The following INPP4B variants were observed in gnomAD, a reference collection of about 807,000 sequenced individuals.
INPP4B encodes the protein inositol polyphosphate 4-phosphatase type II.
A neutral mutation model predicts 122.5 loss-of-function variants in INPP4B; 55 were observed. The observed-to-expected ratio is 0.45, with a 90% CI of 0.36 to 0.56. The LOEUF is 0.56. Ranked by LOEUF, INPP4B falls within the 20% of genes least tolerant of loss-of-function variation. INPP4B has a pLI of 0.00. For synonymous variants in INPP4B, 403 were observed against 388.7 expected (o/e 1.04, Z -0.43); for missense variants, 1,000 against 1,097.7 (o/e 0.91, Z 1.26).
intron 11 of INPP4B, among the ~76,000 whole-genome samples, 187 bp downstream of exon 11, chr4:142,260,305 T>G (rs1422550152): frequency 1.3e-5 from 2 of 152,122 alleles, no homozygotes; most frequent in Non-Finnish European, 2.9e-5. Context: ...TTTTGCAATA[T>G]AGCTAGTACA....
At chr4:142,739,890 G>T (rs999848196) in intron 1 of INPP4B, among the ~76,000 whole-genome samples, 1 of 151,826 alleles carries the variant, frequency 6.6e-6, no homozygotes, top group Admixed American at 6.6e-5. Context: ...ATATATTATT[G>T]CTCTTACTCT....
At chr4:142,673,697 G>A (rs922282639) in intron 2 of INPP4B, among the ~76,000 whole-genome samples, 1 of 152,108 alleles carries the variant, frequency 6.6e-6, no homozygotes, top group African/African-American at 2.4e-5. Context: ...AAACCAGAAT[G>A]AACAGAAGAT....
intron 2 of INPP4B, among the ~76,000 whole-genome samples, chr4:142,490,435 C>G (rs1016779420): frequency 7.9e-5 from 12 of 151,978 alleles, no homozygotes; most frequent in Admixed American, 3.3e-4. Flanking sequence ...TTCTTTCTAA[C>G]TGACACATAA....
chr4:142,436,384 C>T (rs753952447), intron 3 of INPP4B, among the ~76,000 whole-genome samples: 21 of 152,236 alleles, frequency 1.4e-4, no homozygotes, highest in Admixed American at 3.3e-4. Flanking sequence ...CAGTGCAGCA[C>T]ACCCCCTCCA....
chr4:142,417,524 A>G (rs1048913743), intron 5 of INPP4B, among the ~76,000 whole-genome samples: 23 of 152,154 alleles, frequency 1.5e-4, no homozygotes, highest in African/African-American at 5.5e-4. Context: ...CTAACAATGT[A>G]TTAGTAATAT....
chr4:142,825,459 C>CTA (rs996564893), intron 1 of INPP4B, among the ~76,000 whole-genome samples: 273 of 151,022 alleles, frequency 1.8e-3, no homozygotes, highest in African/African-American at 6.2e-3. Context: ...TGCACAGGCA[C>CTA]TATATATATA....
At chr4:142,660,230 A>T (rs1754921872) in intron 2 of INPP4B, among the ~76,000 whole-genome samples, 1 of 152,068 alleles carries the variant, frequency 6.6e-6, no homozygotes, top group Non-Finnish European at 1.5e-5. Flanking sequence ...GCATGGCGAG[A>T]CCTGCCAAGG....
chr4:142,325,909 T>C (rs1464778660), intron 7 of INPP4B, among the ~76,000 whole-genome samples: 1 of 151,828 alleles, frequency 6.6e-6, no homozygotes, highest in Non-Finnish European at 1.5e-5. Flanking sequence ...TTCCGACTAT[T>C]ATAGAGATCT....
rs117207955 is a variant in INPP4B at position 142,298,385 on chromosome 4, T to G, written c.503+7073A>C. On this transcript the variant is annotated intron_variant, in intron 9 of 25. Coordinates refer to ENST00000262992, the MANE Select transcript of INPP4B (RefSeq NM_001101669.3). ...GGGCCAGGTTTGAAGTCTTCTCTGG[T>G]CTCTAAAATAATTTGATCAGGCCAT... is the stretch of plus-strand genomic sequence containing the variant. Among the ~76,000 whole-genome samples, 145 of 152,058 alleles carry G rather than the reference T, an allele frequency of 9.5e-4. 1 individual carries two copies. The East Asian group carries it at 0.024, about 25-fold the overall frequency.
At chr4:142,271,512 T>C (rs1745830658) in intron 9 of INPP4B, among the ~76,000 whole-genome samples, 1 of 152,180 alleles carries the variant, frequency 6.6e-6, no homozygotes, top group Non-Finnish European at 1.5e-5. Flanking sequence ...ATTCTTATCT[T>C]CCTCTATGAC....
In INPP4B at chr4:142,041,264, G is replaced by A. The variant is rs183796337; in HGVS notation, c.2643-12350C>T. Among the ~76,000 whole-genome samples, 124 of 152,196 alleles carry A rather than the reference G, an allele frequency of 8.1e-4. 1 individual carries two copies. In the East Asian group the frequency reaches 0.019, roughly 23 times the overall value. On this transcript the variant is annotated intron_variant, in intron 25 of 25. Coordinates refer to ENST00000262992, the MANE Select transcript of INPP4B (RefSeq NM_001101669.3). ...AACATCCATACCATAGGATTATTGT[G>A]AGAATTATGTAAAGGTACTCAGAAC...
At chr4:142,507,728 T>C (rs1824201791) in intron 2 of INPP4B, among the ~76,000 whole-genome samples, 1 of 152,080 alleles carries the variant, frequency 6.6e-6, no homozygotes, top group African/African-American at 2.4e-5. Context: ...CTCTACAAGA[T>C]AAAGATACAG....
chr4:142,782,978 TG>T (rs1207931423), intron 1 of INPP4B, among the ~76,000 whole-genome samples: 2 of 152,082 alleles, frequency 1.3e-5, no homozygotes, highest in African/African-American at 4.8e-5. Context: ...AAGCTGAAAC[TG>T]GATCCCTTCC....
chr4:142,736,237 A>G (rs553976616), intron 1 of INPP4B, among the ~76,000 whole-genome samples: 4 of 152,168 alleles, frequency 2.6e-5, no homozygotes, highest in Non-Finnish European at 5.9e-5. Context: ...CTTGCTTTAG[A>G]TGACATAGTG....
intron 7 of INPP4B, among the ~76,000 whole-genome samples, chr4:142,343,492 A>T (rs1404953505): frequency 6.6e-6 from 1 of 152,030 alleles, no homozygotes; most frequent in African/African-American, 2.4e-5. Flanking sequence ...CTTAAAAAAA[A>T]AAACCCCGAG....
chr4:142,050,543 T>TCTC (rs1404872189), intron 25 of INPP4B, among the ~76,000 whole-genome samples: 1 of 152,016 alleles, frequency 6.6e-6, no homozygotes, highest in East Asian at 1.9e-4. Context: ...ATTATGGGAT[T>TCTC]CTCAACTCCA....
At chr4:142,082,987 A>C (rs1250114341) in intron 24 of INPP4B, among the ~76,000 whole-genome samples, 4 of 152,086 alleles carry the variant, frequency 2.6e-5, no homozygotes, top group African/African-American at 9.6e-5. Context: ...TTAGCTAGGC[A>C]TGGTGATGCA....
intron 2 of INPP4B, chr4:142,514,585 G>C (rs1825167110): frequency 6.6e-6 from 1 of 152,216 alleles, no homozygotes; most frequent in African/African-American, 2.4e-5. Flanking sequence ...AAGAGCATGG[G>C]CTATGAATGG....
At chr4:142,232,419 CA>C (rs1242617638) in intron 12 of INPP4B, among the ~76,000 whole-genome samples, 1 of 152,020 alleles carries the variant, frequency 6.6e-6, no homozygotes, top group South Asian at 2.1e-4. Flanking sequence ...TCAGTCATGG[CA>C]ACCTGTGATC....
Sources: allele counts gnomAD v4.1 joint callset (sites outside exome capture counted in the v4.1 genomes callset), GRCh38; gene constraint gnomAD v4.1.1; transcripts MANE v1.5; gene names NCBI Gene and HGNC (gene_info 2026-07-23, HGNC 2026-07-21).